Variants in NLGN1 observed in about 807,000 individuals in gnomAD.
NLGN1 encodes the protein neuroligin-1.
Under a neutral mutation model 65.5 loss-of-function variants are expected in NLGN1, and 12 were observed. The observed-to-expected ratio is 0.18, with a 90% CI of 0.12 to 0.30. NLGN1 has a LOEUF of 0.30. Among genes scored for constraint, NLGN1 ranks in the 10% least tolerant of loss-of-function variants. The pLI is 1.00. For missense variants in NLGN1, 750 were observed against 1,007.1 expected (o/e 0.74, Z 3.46); for synonymous variants, 350 against 359.5 (o/e 0.97, Z 0.30).
At chr3:173,924,877 A>C (rs916053116) in intron 4 of NLGN1, among the ~76,000 whole-genome samples, 7 of 152,100 alleles carry the variant, frequency 4.6e-5, no homozygotes, top group Non-Finnish European at 1.0e-4. Flanking sequence ...GATTATTTTG[A>C]AAATGAAATA....
At chr3:173,528,271 C>T (rs1735982336) in intron 2 of NLGN1, among the ~76,000 whole-genome samples, 1 of 152,062 alleles carries the variant, frequency 6.6e-6, no homozygotes, top group African/African-American at 2.4e-5. Flanking sequence ...TTTAAGGAGG[C>T]TAAAAATAGG....
At chr3:174,115,693 C>A (rs957768264) in intron 4 of NLGN1, among the ~76,000 whole-genome samples, 3 of 152,002 alleles carry the variant, frequency 2.0e-5, no homozygotes, top group African/African-American at 7.2e-5. Context: ...ATAAAGGGAG[C>A]CTGGGGATAC....
At chr3:173,863,946 T>A (rs1729631758) in intron 4 of NLGN1, among the ~76,000 whole-genome samples, 2 of 152,164 alleles carry the variant, frequency 1.3e-5, no homozygotes, top group African/African-American at 2.4e-5. Context: ...CTCCTTCAGA[T>A]CCCAAGTACA....
At chr3:173,695,704 T>C (rs1766112093) in intron 3 of NLGN1, 1 of 183,758 alleles carries the variant, frequency 5.4e-6, no homozygotes, top group Admixed American at 5.7e-5. Context: ...AAGAAGCATA[T>C]CCACAAGCAT....
intron 4 of NLGN1, among the ~76,000 whole-genome samples, chr3:173,871,698 A>C (rs1731191194): frequency 6.6e-6 from 1 of 152,182 alleles, no homozygotes; most frequent in Admixed American, 6.5e-5. Flanking sequence ...TCTTGATGAT[A>C]CATCAAGAGT....
At chr3:173,416,061 C>G (rs994631576) in intron 1 of NLGN1, among the ~76,000 whole-genome samples, 10 of 152,060 alleles carry the variant, frequency 6.6e-5, no homozygotes, top group African/African-American at 2.2e-4. Context: ...ATGATAGATT[C>G]ATGAGCGTCA....
In NLGN1 at chr3:174,280,494, C is replaced by G; in HGVS notation, c.1663C>G (p.Pro555Ala). ...TTTCCTTCTTAGTGACCCAAATCAA[C>G]CAGTCCCTCAAGACACGAAATTCAT... The change falls in exon 7 of 7, where the codon CCA becomes GCA. Residue 555 changes from proline to alanine, a missense_variant. Pro to Ala is a conservative substitution (Grantham distance 27). Coordinates refer to ENST00000457714, the Ensembl canonical transcript of NLGN1. The surrounding 1 kb of genome is among the most constrained non-coding windows in gnomAD (Gnocchi z 4.9). 1 of 1,600,092 alleles carries G rather than the reference C, an allele frequency of 6.2e-7. No individual in the cohort carries two copies. Among genetic ancestry groups the G allele is most frequent in the Non-Finnish European group, 8.5e-7 (1 of 1,174,062 alleles).
intron 3 of NLGN1, among the ~76,000 whole-genome samples, chr3:173,749,111 C>T (rs1201761656): frequency 1.3e-5 from 2 of 151,990 alleles, no homozygotes; most frequent in Non-Finnish European, 2.9e-5. Context: ...AGGCAGAGAA[C>T]CCTATAATTT....
At chr3:174,107,007 C>CAGAG (rs1308441949) in intron 4 of NLGN1, among the ~76,000 whole-genome samples, 79 of 120,524 alleles carry the variant, frequency 6.6e-4, no homozygotes, top group Admixed American at 1.5e-3. Context: ...CACACACACA[C>CAGAG]ACACACACAC....
intron 4 of NLGN1, among the ~76,000 whole-genome samples, chr3:174,256,634 A>G (rs1190666098): frequency 6.6e-6 from 1 of 151,950 alleles, no homozygotes; most frequent in African/African-American, 2.4e-5. Context: ...TTGTGGTTTT[A>G]CCCCATTTTA....
intron 4 of NLGN1, among the ~76,000 whole-genome samples, chr3:174,025,893 AT>A (rs1287428319): frequency 2.6e-5 from 4 of 152,212 alleles, no homozygotes; most frequent in Admixed American, 1.3e-4. Flanking sequence ...CAGAATTTGT[AT>A]TTTGTAGAAA....
At chr3:174,068,476 G>A (rs1739139018) in intron 4 of NLGN1, among the ~76,000 whole-genome samples, 1 of 151,840 alleles carries the variant, frequency 6.6e-6, no homozygotes, top group African/African-American at 2.4e-5. Flanking sequence ...CTTTCTCTTA[G>A]CTATCTTCAC....
intron 4 of NLGN1, among the ~76,000 whole-genome samples, chr3:174,105,746 T>G (rs1713627891): frequency 1.3e-5 from 2 of 152,032 alleles, no homozygotes; most frequent in Admixed American, 1.3e-4. Flanking sequence ...TTCTAGCATT[T>G]CCACATTTTA....
At position 173,717,898 on chromosome 3, in the gene NLGN1, A is replaced by G. The variant is rs148514934; in HGVS notation, c.494-89782A>G. Among the ~76,000 whole-genome samples the G allele has an allele frequency of 3.0e-4, 46 of 152,288 alleles. No individual in the cohort carries two copies. In the East Asian group the frequency reaches 8.7e-3, roughly 29 times the overall value. On this transcript the variant is annotated intron_variant, in intron 3 of 6. Transcript: ENST00000457714. The stretch of plus-strand genomic sequence containing the variant: ...AAAATAAAATGTGCATGATGTAGGT[A>G]CAAGGGTAAGGGTGCTTATTAGTGA...
chr3:174,061,993 T>A (rs914549702), intron 4 of NLGN1, among the ~76,000 whole-genome samples: 1 of 152,172 alleles, frequency 6.6e-6, no homozygotes, highest in African/African-American at 2.4e-5. Flanking sequence ...ATCGGAAGCC[T>A]AGTTATTCCA....
chr3:173,993,159 C>G lies in NLGN1; in HGVS notation c.646+185327C>G, dbSNP rs773545199. Among the ~76,000 whole-genome samples the G allele has an allele frequency of 2.0e-5, 3 of 152,038 alleles. 1 individual carries two copies. The South Asian group carries it at 6.2e-4, about 32-fold the overall frequency. On this transcript the variant is annotated intron_variant, in intron 4 of 6. Coordinates refer to ENST00000457714, the Ensembl canonical transcript of NLGN1. ...GACACAGTTTAATACTCTCGTTATGCGTGGTCTATACACAGTTGGAATTCT... is the reference window on the plus strand; with the variant it reads ...GACACAGTTTAATACTCTCGTTATGGGTGGTCTATACACAGTTGGAATTCT...
chr3:174,284,920 A>AT (rs1483141421), exon 7 of NLGN1: 13 of 151,486 alleles, frequency 8.6e-5, no homozygotes, highest in Admixed American at 5.9e-4. Context: ...AAACAGCAAC[A>AT]TTTTTTTAAA....
intron 4 of NLGN1, among the ~76,000 whole-genome samples, chr3:174,268,357 T>C (rs1289679360): frequency 6.6e-6 from 1 of 152,148 alleles, no homozygotes; most frequent in South Asian, 2.1e-4. Context: ...CAGGGAGTGC[T>C]GGATAAACTT....
At chr3:173,699,277 A>G (rs1016817117) in intron 3 of NLGN1, among the ~76,000 whole-genome samples, 1 of 152,340 alleles carries the variant, frequency 6.6e-6, no homozygotes, top group African/African-American at 2.4e-5. Context: ...ATAAAAGAAC[A>G]CAAACTAAAT....
Sources: allele counts gnomAD v4.1 joint callset (sites outside exome capture counted in the v4.1 genomes callset), GRCh38; gene constraint gnomAD v4.1.1; non-coding constraint Gnocchi (gnomAD v3.1); transcripts MANE v1.5; gene names NCBI Gene and HGNC (gene_info 2026-07-23, HGNC 2026-07-21).